FAM184A: variants seen among roughly 807,000 people sequenced by gnomAD.
The protein encoded by FAM184A is protein FAM184A.
In FAM184A, 99 loss-of-function variants were observed where a neutral mutation model predicts 143.8. The observed-to-expected ratio is 0.69, with a 90% CI of 0.58 to 0.81. FAM184A has a LOEUF of 0.81. FAM184A is among the 40% of genes least tolerant of loss of function. The pLI is 0.00. For missense variants in FAM184A, 1,217 were observed against 1,310.5 expected (o/e 0.93, Z 1.10); for synonymous variants, 427 against 446.4 (o/e 0.96, Z 0.55).
At chr6:118,971,780 A>C (rs1783704060) in intron 14 of FAM184A, among the ~76,000 whole-genome samples, 1 of 152,180 alleles carries the variant, frequency 6.6e-6, no homozygotes, top group African/African-American at 2.4e-5. Flanking sequence ...ACAGACTTAG[A>C]GGGTATTTCC....
intron 1 of FAM184A, among the ~76,000 whole-genome samples, chr6:119,121,827 G>A (rs1187722486): frequency 7.2e-5 from 11 of 152,312 alleles, no homozygotes; most frequent in Middle Eastern, 3.4e-3. Context: ...AGTATTGAAC[G>A]CTGCTTTACC....
Position 118,975,040 on chromosome 6 carries a change from A to T in FAM184A, c.2752T>A (p.Ser918Thr). 6.2e-7 allele frequency: 1 copy of T among 1,612,564 alleles called. No individual in the cohort carries two copies. The highest frequency in any genetic ancestry group is 8.5e-7 in the Non-Finnish European group (1 of 1,179,140). ...ATGGCATACCTTATCTGTTGGTTAG[A>T]TTCACTTCGTATTCTGAGAATTTCT... ...GKEILRIRSE[S>T]NQQIRLHEQD... is the part of the protein sequence containing the mutation. The change falls in exon 13 of 18, where the codon TCT becomes ACT. Residue 918 changes from serine (S) to threonine (T), a missense_variant. Ser to Thr is a moderately conservative substitution (Grantham distance 58, BLOSUM62 1). Coordinates refer to ENST00000338891, the MANE Select transcript of FAM184A (RefSeq NM_024581.6).
intron 6 of FAM184A, chr6:119,011,048 C>G (rs1785072321): frequency 3.2e-6 from 1 of 309,272 alleles, no homozygotes; most frequent in Non-Finnish European, 5.9e-6. Flanking sequence ...AGAACTCTCT[C>G]TTGTTCTTTT....
chr6:118,976,170 T>C, intron 11 of FAM184A, 126 bp from the exon 12 acceptor site: 1 of 840,358 alleles, frequency 1.2e-6, no homozygotes, highest in East Asian at 2.7e-5. Flanking sequence ...ATTAAATTAA[T>C]AGATTATAAA....
intron 1 of FAM184A, among the ~76,000 whole-genome samples, chr6:119,115,637 A>G (rs1426982272): frequency 6.6e-6 from 1 of 152,118 alleles, no homozygotes; most frequent in African/African-American, 2.4e-5. Context: ...CAGCAGGTCA[A>G]GTTTCCCAAG....
At chr6:119,144,317 G>C (rs1205631993) in intron 1 of FAM184A, among the ~76,000 whole-genome samples, 3 of 140,320 alleles carry the variant, frequency 2.1e-5, no homozygotes, top group Non-Finnish European at 4.5e-5. Context: ...CTGGGCCACA[G>C]AACGAGACTC....
At chr6:118,994,611 G>A (rs751777747) in intron 9 of FAM184A, among the ~76,000 whole-genome samples, 130 of 151,682 alleles carry the variant, frequency 8.6e-4, no homozygotes, top group Non-Finnish European at 1.5e-3. Flanking sequence ...GCTTGAACCC[G>A]GGAGGCGGAG....
intron 1 of FAM184A, among the ~76,000 whole-genome samples, chr6:119,041,052 C>T (rs1372109404): frequency 6.6e-6 from 1 of 152,178 alleles, no homozygotes; most frequent in Non-Finnish European, 1.5e-5. Context: ...CCCTTCTCAA[C>T]AGGCAACAGG....
intron 1 of FAM184A, among the ~76,000 whole-genome samples, chr6:119,107,747 C>T (rs12203252): frequency 0.37 from 54,771 of 146,722 alleles, 12,095 homozygotes; most frequent in East Asian, 0.57. Context: ...CACTGCACTC[C>T]AGCCTGGGTG....
intron 9 of FAM184A, among the ~76,000 whole-genome samples, chr6:118,993,942 T>C (rs539330737): frequency 6.6e-6 from 1 of 152,316 alleles, no homozygotes; most frequent in East Asian, 1.9e-4. Flanking sequence ...AAAGAAGGCC[T>C]GGCGTGATCT....
chr6:118,959,971 CA>C lies in FAM184A; in HGVS notation c.*131del. On this transcript the variant is annotated 3_prime_UTR_variant, in exon 18 of 18. Transcript: ENST00000338891. Reference sequence around the variant, plus strand: ...AATAAATATCACAGGAAATACAGTGCATTTTCAAGTTGGAGAGACAAATACT... The same window carrying C: ...AATAAATATCACAGGAAATACAGTGCTTTTCAAGTTGGAGAGACAAATACT... The C allele has an allele frequency of 1.7e-6, 1 of 587,272 alleles. No individual in the cohort carries two copies. The highest frequency in any genetic ancestry group is 3.3e-5 in the Admixed American group (1 of 29,880). 36.4% of individuals were successfully genotyped at this position (587,272 alleles called of 1,614,324 possible).
chr6:118,982,915 T>A (rs1784062839), intron 9 of FAM184A, among the ~76,000 whole-genome samples: 1 of 152,224 alleles, frequency 6.6e-6, no homozygotes, highest in Admixed American at 6.5e-5. Flanking sequence ...TGTAATATAC[T>A]TTACCTTGAA....
intron 1 of FAM184A, among the ~76,000 whole-genome samples, chr6:119,125,729 C>G (rs558110635): frequency 6.6e-6 from 1 of 152,304 alleles, no homozygotes; most frequent in Admixed American, 6.5e-5. Flanking sequence ...TCTAATTATA[C>G]AGTGGACCAA....
At chr6:119,119,895 G>C (rs764962927) in intron 1 of FAM184A, among the ~76,000 whole-genome samples, 2 of 152,166 alleles carry the variant, frequency 1.3e-5, no homozygotes, top group Non-Finnish European at 2.9e-5. Context: ...GAGTTGAGAG[G>C]ATTGCTTGAG....
At chr6:118,990,105 C>A (rs557216318) in intron 9 of FAM184A, among the ~76,000 whole-genome samples, 2 of 152,168 alleles carry the variant, frequency 1.3e-5, no homozygotes, top group Non-Finnish European at 2.9e-5. Flanking sequence ...GGATTACAGG[C>A]GTGAGCCACA....
At chr6:119,035,603 AGAGTCT>A (rs1355480551) in intron 1 of FAM184A, among the ~76,000 whole-genome samples, 6 of 152,174 alleles carry the variant, frequency 3.9e-5, no homozygotes, top group Non-Finnish European at 8.8e-5. Context: ...GAATTAACTA[AGAGTCT>A]GGTATCTTTT....
In FAM184A at chr6:119,135,171, C is replaced by A. The variant is rs775835717; in HGVS notation, c.-202+13907G>T. ...TGAGTAATGCAAAACGAATGAACTA[C>A]AGGTACATGTATCAACCTAGAAAAC... On this transcript the variant is annotated intron_variant, in intron 1 of 16. Transcript: ENST00000352896. Among the ~76,000 whole-genome samples the A allele has an allele frequency of 1.3e-5, 2 of 152,110 alleles. 1 individual carries two copies. Among genetic ancestry groups the A allele is most frequent in the Non-Finnish European group, 2.9e-5 (2 of 68,026 alleles).
At chr6:118,965,834 T>C (rs1211017402) in intron 15 of FAM184A, among the ~76,000 whole-genome samples, 2 of 152,218 alleles carry the variant, frequency 1.3e-5, no homozygotes, top group Non-Finnish European at 2.9e-5. Context: ...AATTAATAGC[T>C]ATTTATATGG....
intron 14 of FAM184A, among the ~76,000 whole-genome samples, chr6:118,967,154 T>C (rs994965414): frequency 6.6e-6 from 1 of 152,228 alleles, no homozygotes; most frequent in Admixed American, 6.5e-5. Context: ...TAGATGGTAC[T>C]ATGAAAGGCT....
Sources: gnomAD v4.1 joint callset for allele counts (sites outside exome capture counted in the v4.1 genomes callset) on GRCh38, gnomAD v4.1.1 for gene constraint, MANE v1.5 for transcripts, NCBI Gene and HGNC (gene_info 2026-07-23, HGNC 2026-07-21) for gene names.